The following KCNIP1 variants were observed in gnomAD, a reference collection of about 807,000 sequenced individuals.
KCNIP1 encodes A-type potassium channel modulatory protein KCNIP1.
In KCNIP1, 18 loss-of-function variants were observed where a neutral mutation model predicts 33.0. The ratio of observed to expected loss-of-function variants is 0.55; its 90% CI spans 0.38 to 0.81. The LOEUF is 0.81. KCNIP1 is among the 30% of genes least tolerant of loss of function. The pLI, the probability that KCNIP1 is intolerant of heterozygous loss-of-function variation, is 0.00. For missense variants in KCNIP1, 238 were observed against 271.6 expected, an observed-to-expected ratio of 0.88 and a Z score of 0.87; for synonymous variants, 93 against 98.3, an observed-to-expected ratio of 0.95 and a Z score of 0.32.
Position 170,372,131 on chromosome 5 carries a change from C to A in KCNIP1, c.88+18167C>A, listed in dbSNP as rs115907223. Among the ~76,000 whole-genome samples, 310 of 152,324 alleles carry A rather than the reference C, an allele frequency of 2.0e-3. 2 individuals are homozygous for A. Among genetic ancestry groups the A allele is most frequent in the African/African-American group, 7.1e-3 (295 of 41,556 alleles). ...CAGAACATTCCTACAACCTCCCCTA[C>A]ACCTCCAGATAGGATATAATAATTT... On this transcript the variant is annotated intron_variant, in intron 1 of 7. Transcript: ENST00000377360.
intron 7 of KCNIP1, 95 bp from the exon 8 acceptor site, chr5:170,735,664 T>G: frequency 9.3e-7 from 1 of 1,078,968 alleles, no homozygotes; most frequent in Non-Finnish European, 1.4e-6. Context: ...TTTCTCCATA[T>G]AGGAAACCCA....
In KCNIP1 at chr5:170,526,740, T is replaced by G. The variant is rs941158804; in HGVS notation, c.61+22107T>G. Among the ~76,000 whole-genome samples the G allele has an allele frequency of 1.1e-3, 162 of 147,462 alleles. 1 individual carries two copies. The East Asian group carries it at 0.024, about 22-fold the overall frequency. On this transcript the variant is annotated intron_variant, in intron 1 of 7. Coordinates refer to ENST00000328939, the MANE Select transcript of KCNIP1 (RefSeq NM_014592.4). ...TTAGCTTTTTTTTTTTTTTTTTTTT[T>G]GAGACAGAATCGCGCTCTGTTGCCC...
chr5:170,492,877 G>T (rs1757234277), intron 1 of KCNIP1, among the ~76,000 whole-genome samples: 1 of 152,160 alleles, frequency 6.6e-6, no homozygotes, highest in Non-Finnish European at 1.5e-5. Context: ...AGCCTCCCAA[G>T]TAGCTGGGAC....
chr5:170,408,586 A>T (rs557029113), intron 1 of KCNIP1, among the ~76,000 whole-genome samples: 3 of 152,348 alleles, frequency 2.0e-5, no homozygotes, highest in Admixed American at 1.3e-4. Flanking sequence ...GAAATTGTCC[A>T]ATTCCAAATG....
intron 1 of KCNIP1, among the ~76,000 whole-genome samples, chr5:170,419,095 C>G (rs1451666410): frequency 6.6e-6 from 1 of 152,236 alleles, no homozygotes; most frequent in Non-Finnish European, 1.5e-5. Context: ...ACAGATCTTC[C>G]TAACGTGTAA....
At chr5:170,730,732 G>A (rs777938328) in intron 5 of KCNIP1, among the ~76,000 whole-genome samples, 51 of 151,918 alleles carry the variant, frequency 3.4e-4, no homozygotes, top group Non-Finnish European at 6.9e-4. Context: ...ACCATTCTTC[G>A]ATAAACAGAA....
intron 1 of KCNIP1, among the ~76,000 whole-genome samples, chr5:170,710,418 G>A (rs1257247665): frequency 1.3e-5 from 2 of 152,048 alleles, no homozygotes; most frequent in East Asian, 3.9e-4. Flanking sequence ...TTATTTTAAA[G>A]CCCAGATATG....
chr5:170,413,918 G>A (rs968571489), intron 1 of KCNIP1, among the ~76,000 whole-genome samples: 3 of 118,802 alleles, frequency 2.5e-5, no homozygotes, highest in Non-Finnish European at 5.0e-5. Context: ...TACCATTCCT[G>A]AGTGGAAGTT....
intron 1 of KCNIP1, among the ~76,000 whole-genome samples, chr5:170,696,291 G>A (rs996723330): frequency 2.0e-5 from 3 of 152,194 alleles, no homozygotes; most frequent in Non-Finnish European, 4.4e-5. Context: ...GCTGAACAGA[G>A]GATGGGCCTG....
intron 1 of KCNIP1, among the ~76,000 whole-genome samples, chr5:170,491,930 C>T (rs7710571): frequency 0.016 from 2,468 of 152,308 alleles, 55 homozygotes; most frequent in African/African-American, 0.053. Flanking sequence ...AGTAGTAAAA[C>T]TCTAGAGGAG....
chr5:170,637,443 A>G (rs372428181), intron 1 of KCNIP1, among the ~76,000 whole-genome samples: 153 of 152,114 alleles, frequency 1.0e-3, no homozygotes, highest in African/African-American at 3.5e-3. Flanking sequence ...AACCCCTCCA[A>G]TGCCTTCTGT....
intron 1 of KCNIP1, among the ~76,000 whole-genome samples, chr5:170,432,165 G>A (rs1387131179): frequency 6.6e-6 from 1 of 151,936 alleles, no homozygotes; most frequent in Non-Finnish European, 1.5e-5. Flanking sequence ...CAATTCGGTA[G>A]AGCTAAAAAC....
At position 170,570,715 on chromosome 5, in the gene KCNIP1, C is replaced by T. The variant is rs1002923489; in HGVS notation, c.61+66082C>T. Among the ~76,000 whole-genome samples the T allele has an allele frequency of 4.6e-5, 7 of 152,358 alleles. No individual in the cohort carries two copies. The South Asian group carries it at 6.2e-4, about 14-fold the overall frequency. ...TCAGCATTGGAGCACCAGCGACAGA[C>T]GGCCGGCACTGACTGGGGAGGGCTC... On this transcript the variant is annotated intron_variant, in intron 1 of 7. Coordinates refer to ENST00000328939, the MANE Select transcript of KCNIP1 (RefSeq NM_014592.4).
intron 1 of KCNIP1, among the ~76,000 whole-genome samples, chr5:170,469,720 T>C (rs1561640205): frequency 6.6e-6 from 1 of 152,202 alleles, no homozygotes; most frequent in Non-Finnish European, 1.5e-5. Flanking sequence ...CCTTGCTGCA[T>C]TGCAAAGCCA....
At chr5:170,405,610 A>G (rs1755016295) in intron 1 of KCNIP1, among the ~76,000 whole-genome samples, 1 of 152,188 alleles carries the variant, frequency 6.6e-6, no homozygotes, top group Non-Finnish European at 1.5e-5. Flanking sequence ...AGGAAGCTGG[A>G]ATGAAGCACA....
chr5:170,437,609 A>G (rs1471127894), intron 1 of KCNIP1, among the ~76,000 whole-genome samples: 1 of 152,176 alleles, frequency 6.6e-6, no homozygotes, highest in East Asian at 1.9e-4. Flanking sequence ...CAGCACAGGT[A>G]TCTTCCTCAG....
At chr5:170,458,801 CA>C (rs1160001199) in intron 1 of KCNIP1, among the ~76,000 whole-genome samples, 6 of 151,936 alleles carry the variant, frequency 3.9e-5, no homozygotes, top group Non-Finnish European at 7.4e-5. Context: ...AAGACAACAA[CA>C]AAAAACAAGG....
chr5:170,704,712 G>T (rs1057198263), intron 1 of KCNIP1, among the ~76,000 whole-genome samples: 7 of 152,124 alleles, frequency 4.6e-5, no homozygotes, highest in African/African-American at 1.7e-4. Context: ...TAGCCCTGGG[G>T]CCCCTCCAGG....
rs193168462 is a variant in KCNIP1, at chr5:170,371,544, T to C, written c.88+17580T>C. Among the ~76,000 whole-genome samples, 4 of 152,348 alleles carry C rather than the reference T, an allele frequency of 2.6e-5. No homozygotes were observed. The East Asian group carries it at 7.7e-4, about 29-fold the overall frequency. On this transcript the variant is annotated intron_variant, in intron 1 of 7. Coordinates refer to the KCNIP1 transcript ENST00000377360. ...ACCTAGATTTGAATTCCAGCTCTGC[T>C]ATTTGCTAACTTCTGCCTTGGGGCA...
Sources: gnomAD v4.1 joint callset for allele counts (sites outside exome capture counted in the v4.1 genomes callset) on GRCh38, gnomAD v4.1.1 for gene constraint, MANE v1.5 for transcripts, NCBI Gene and HGNC (gene_info 2026-07-23, HGNC 2026-07-21) for gene names.